The following KAZN variants were observed in gnomAD, a reference collection of about 807,000 sequenced individuals.
KAZN encodes kazrin.
In KAZN, 40 loss-of-function variants were observed where a neutral mutation model predicts 87.4. The ratio of observed to expected loss-of-function variants is 0.46; its 90% CI spans 0.36 to 0.60. The LOEUF (loss-of-function observed/expected upper bound fraction) is 0.60, where lower values mean the gene tolerates loss of function less well. KAZN is among the 20% of genes least tolerant of loss of function. KAZN has a pLI of 0.00. For missense variants in KAZN, 898 were observed against 1,073.9 expected, an observed-to-expected ratio of 0.84 and a Z score of 2.29; for synonymous variants, 466 against 458.3, an observed-to-expected ratio of 1.02 and a Z score of -0.22.
chr1:14,329,684 T>C (rs1350123681), intron 2 of KAZN, among the ~76,000 whole-genome samples: 2 of 152,152 alleles, frequency 1.3e-5, no homozygotes, highest in African/African-American at 4.8e-5. Flanking sequence ...AGACCTCAGG[T>C]TGAAGCCCAA....
chr1:15,110,490 TA>T (rs1471515956), intron 13 of KAZN, among the ~76,000 whole-genome samples: 46 of 18,780 alleles, frequency 2.4e-3, no homozygotes, highest in African/African-American at 5.9e-3. Context: ...TTTGTGTGTG[TA>T]TGTATGTGTG....
At chr1:14,326,886 C>A (rs1656473180) in intron 2 of KAZN, among the ~76,000 whole-genome samples, 2 of 152,174 alleles carry the variant, frequency 1.3e-5, no homozygotes, top group Non-Finnish European at 2.9e-5. Flanking sequence ...CACCTCTTCC[C>A]CCATGTTGCC....
chr1:13,967,734 G>T (rs1386174677), intron 1 of KAZN, among the ~76,000 whole-genome samples: 1 of 152,174 alleles, frequency 6.6e-6, no homozygotes, highest in Non-Finnish European at 1.5e-5. Flanking sequence ...GGCTCACCCA[G>T]CCCGCCAAGC....
intron 1 of KAZN, among the ~76,000 whole-genome samples, chr1:14,704,439 G>A (rs547846388): frequency 6.6e-5 from 10 of 152,338 alleles, no homozygotes; most frequent in Admixed American, 1.3e-4. Context: ...CACTGTGTGC[G>A]TTAGAAAAAT....
Position 14,405,476 on chromosome 1 carries a change from A to C in KAZN, c.250-193507A>C, listed in dbSNP as rs560223709. On this transcript the variant is annotated intron_variant, in intron 2 of 16. Coordinates refer to the KAZN transcript ENST00000636203. ...TGCGTTGTGTTGGAGAGGAAGCGGG[A>C]GAGGCAATGGGATAAACACTCTGGT... is the stretch of plus-strand genomic sequence containing the variant. Among the ~76,000 whole-genome samples, 7 of 152,202 alleles carry C rather than the reference A, an allele frequency of 4.6e-5. No individual in the cohort carries two copies. In the South Asian group the frequency reaches 1.5e-3, roughly 32 times the overall value.
At position 14,080,124 on chromosome 1, in the gene KAZN, G is replaced by C. The variant is rs751977099; in HGVS notation, c.92-100311G>C. On this transcript the variant is annotated intron_variant, in intron 1 of 16. Coordinates refer to the KAZN transcript ENST00000636203. ...AATCCTTTTCCTTTTACCCTTCTAA[G>C]TTCTCAGCTGGGGTCCCTATAATGA... Among the ~76,000 whole-genome samples, 4 of 152,206 alleles carry C rather than the reference G, an allele frequency of 2.6e-5. No homozygotes were observed. In the East Asian group the frequency reaches 7.7e-4, roughly 29 times the overall value.
intron 2 of KAZN, among the ~76,000 whole-genome samples, chr1:14,533,218 T>C (rs1029209509): frequency 3.9e-5 from 6 of 152,204 alleles, no homozygotes; most frequent in Non-Finnish European, 5.9e-5. Flanking sequence ...CACTGAGTTA[T>C]GAAGTCATTA....
At chr1:14,782,574 A>G (rs1046149363) in intron 1 of KAZN, among the ~76,000 whole-genome samples, 61 of 150,818 alleles carry the variant, frequency 4.0e-4, no homozygotes, top group East Asian at 3.1e-3. Flanking sequence ...AAAAAAAAAA[A>G]AAAAGAAAAG....
intron 1 of KAZN, among the ~76,000 whole-genome samples, chr1:14,661,667 G>A (rs1325136747): frequency 6.9e-6 from 1 of 145,314 alleles, no homozygotes; most frequent in Non-Finnish European, 1.5e-5. Flanking sequence ...GGGGACGGGG[G>A]GGCGGGAGGG....
intron 1 of KAZN, among the ~76,000 whole-genome samples, chr1:14,887,396 A>G (rs534972597): frequency 1.3e-3 from 203 of 152,316 alleles, no homozygotes; most frequent in African/African-American, 4.5e-3. Flanking sequence ...CTGAGATCCC[A>G]GAAATGCTTA....
At chr1:14,633,816 G>T (rs1461123451) in intron 1 of KAZN, among the ~76,000 whole-genome samples, 2 of 151,974 alleles carry the variant, frequency 1.3e-5, no homozygotes, top group African/African-American at 4.8e-5. Context: ...CATTATATTG[G>T]TTAAGAGAGA....
intron 1 of KAZN, among the ~76,000 whole-genome samples, chr1:14,022,276 T>C (rs1365481204): frequency 6.6e-6 from 1 of 151,846 alleles, no homozygotes; most frequent in Non-Finnish European, 1.5e-5. Flanking sequence ...TTATATCTAA[T>C]CTGAGTGGTT....
intron 2 of KAZN, among the ~76,000 whole-genome samples, chr1:14,239,827 T>C (rs1275805201): frequency 6.6e-6 from 1 of 152,082 alleles, no homozygotes; most frequent in Admixed American, 6.5e-5. Context: ...TGGAGACATT[T>C]TTGGTTGCCA....
intron 1 of KAZN, among the ~76,000 whole-genome samples, chr1:14,052,537 G>GAA (rs58382432): frequency 3.5e-5 from 5 of 141,752 alleles, no homozygotes; most frequent in Admixed American, 7.1e-5. Context: ...GTGTGGGGTG[G>GAA]AAAAAAAAAA....
intron 1 of KAZN, among the ~76,000 whole-genome samples, chr1:14,823,466 C>G (rs1327076509): frequency 6.6e-6 from 1 of 152,098 alleles, no homozygotes; most frequent in African/African-American, 2.4e-5. Context: ...TCCCCACCCC[C>G]ACTCCCAAGT....
intron 1 of KAZN, among the ~76,000 whole-genome samples, chr1:14,149,057 T>G (rs973070804): frequency 1.8e-4 from 18 of 99,184 alleles, no homozygotes; most frequent in African/African-American, 5.1e-4. Context: ...CTGCCTGCCT[T>G]CCTGCCTTCC....
intron 1 of KAZN, among the ~76,000 whole-genome samples, chr1:14,946,859 G>T (rs1466905090): frequency 1.3e-5 from 2 of 152,166 alleles, no homozygotes; most frequent in Admixed American, 1.3e-4. Flanking sequence ...TTGAGGTTGT[G>T]GATTCCAGAC....
At position 14,680,195 on chromosome 1, in the gene KAZN, G is replaced by A. The variant is rs191968066; in HGVS notation, c.226+80972G>A. On this transcript the variant is annotated intron_variant, in intron 1 of 14. Transcript: ENST00000376030. ...ACAGTGAAATGCACAGATCTTAAAT[G>A]TACGGTTTGATGAGTTTTGACAAGT... Among the ~76,000 whole-genome samples, 33 of 152,256 alleles carry A rather than the reference G, an allele frequency of 2.2e-4. No homozygotes were observed. The East Asian group carries it at 4.4e-3, about 21-fold the overall frequency.
chr1:14,749,105 G>A (rs1450636749), intron 1 of KAZN, among the ~76,000 whole-genome samples: 2 of 152,160 alleles, frequency 1.3e-5, no homozygotes, highest in Admixed American at 6.5e-5. Context: ...CCTATCAAGG[G>A]TGATAAATAA....
Sources: gnomAD v4.1 joint callset for allele counts (sites outside exome capture counted in the v4.1 genomes callset) on GRCh38, gnomAD v4.1.1 for gene constraint, MANE v1.5 for transcripts, NCBI Gene and HGNC (gene_info 2026-07-23, HGNC 2026-07-21) for gene names.